The following CFAP69 variants were observed in gnomAD, a reference collection of about 807,000 sequenced individuals.
CFAP69 encodes cilia and flagella associated protein 69.
Under a neutral mutation model 123.0 loss-of-function variants are expected in CFAP69, and 92 were observed. That is an observed-to-expected ratio of 0.75 (90% CI 0.63 to 0.89). The LOEUF is 0.89. Among genes scored for constraint, CFAP69 ranks in the 40% least tolerant of loss-of-function variants. The pLI is 0.00. For synonymous variants in CFAP69, 380 were observed against 364.3 expected, an observed-to-expected ratio of 1.04 and a Z score of -0.49; for missense variants, 1,067 against 1,096.9, an observed-to-expected ratio of 0.97 and a Z score of 0.39.
At chr7:90,250,125 T>C (rs1184562021) in intron 1 of CFAP69, among the ~76,000 whole-genome samples, 1 of 150,098 alleles carries the variant, frequency 6.7e-6, no homozygotes, top group Non-Finnish European at 1.5e-5. Flanking sequence ...GGAGGATCGC[T>C]TGAGCCTAGG....
chr7:90,287,750 G>A (rs1790515397), intron 14 of CFAP69: 2 of 985,804 alleles, frequency 2.0e-6, no homozygotes, highest in Non-Finnish European at 1.2e-6. Flanking sequence ...AATAAGAAAG[G>A]TAATTAGTAA....
chr7:90,251,611 C>T (rs1172984225), intron 1 of CFAP69, among the ~76,000 whole-genome samples: 1 of 152,120 alleles, frequency 6.6e-6, no homozygotes, highest in Non-Finnish European at 1.5e-5. Flanking sequence ...CCATGCCAGA[C>T]CAATAGCTGC....
Position 90,250,187 on chromosome 7 carries a change from GGAGAGAGAGAGAGAGAGA to G in CFAP69, c.120+4674_120+4691del, listed in dbSNP as rs10527106. 1.1e-3 allele frequency among the ~76,000 whole-genome samples: 133 copies of G among 125,762 alleles called. 3 individuals carry two copies. Among genetic ancestry groups the G allele is most frequent in the African/African-American group, 1.8e-3 (60 of 32,816 alleles). The allele number at this position is 125,762 out of a possible 152,430, so 82.5% of individuals were successfully genotyped here. ...GGGAGACCCCCACTCTTTAAAGAGA[GGAGAGAGAGAGAGAGAGA>G]GAGAGAGAGAGAGAGAGAGAGAGAG... On this transcript the variant is annotated intron_variant, in intron 1 of 22. Transcript: ENST00000389297.
chr7:90,323,182 A>T, the CFAP69 span, among the ~76,000 whole-genome samples: 1 of 152,198 alleles, frequency 6.6e-6, no homozygotes, highest in South Asian at 2.1e-4. Flanking sequence ...TCTACCCCCA[A>T]GTCAGTGAGA....
Position 90,288,329 on chromosome 7 carries a change from T to C in CFAP69, c.1752T>C (p.Leu584=), listed in dbSNP as rs202179199. The change falls in exon 15 of 23, where the codon CTT becomes CTC. Residue 584 remains leucine (L), a synonymous_variant. Transcript: ENST00000389297. ...LQSGLGYNVL[L]FSTLDSIWCC... The stretch of plus-strand genomic sequence containing the variant: ...GTGGCTTAGGCTATAATGTACTTCT[T>C]TTTAGTACATTGGACAGCATTTGGT... 28 of 1,610,936 alleles carry C rather than the reference T, an allele frequency of 1.7e-5. No individual in the cohort carries two copies. The highest frequency in any genetic ancestry group is 3.4e-6 in the Non-Finnish European group (4 of 1,177,954).
In CFAP69 at chr7:90,286,212, C is replaced by T. The variant is rs1389571695; in HGVS notation, c.1538-69C>T. The stretch of plus-strand genomic sequence containing the variant: ...AAATAAACTTTTTAGAAGAGATTTC[C>T]AAACAGTAATTGATCAAAATAAAAG... On this transcript the variant is annotated intron_variant, in intron 13 of 22. Coordinates refer to ENST00000389297, the MANE Select transcript of CFAP69 (RefSeq NM_001039706.3). 6.9e-6 allele frequency: 9 copies of T among 1,308,980 alleles called. No individual in the cohort carries two copies. The African/African-American group carries it at 1.1e-4, about 15-fold the overall frequency. The allele number at this position is 1,308,980 out of a possible 1,614,324, so 81.1% of individuals were successfully genotyped here. A position where few individuals can be genotyped will look rare whatever the true frequency, so the allele number is the denominator to read the frequency against.
intron 15 of CFAP69, among the ~76,000 whole-genome samples, chr7:90,293,848 A>G (rs1791552068): frequency 6.6e-6 from 1 of 152,182 alleles, no homozygotes; most frequent in South Asian, 2.1e-4. Context: ...GGCCTTACCT[A>G]GCCATAAAGC....
intron 15 of CFAP69, among the ~76,000 whole-genome samples, chr7:90,288,883 A>AT (rs5885720): frequency 0.28 from 42,253 of 149,528 alleles, 6,881 homozygotes; most frequent in East Asian, 0.68. Context: ...GATTACTGTA[A>AT]TTTTTTTTTT....
intron 4 of CFAP69, among the ~76,000 whole-genome samples, chr7:90,262,702 A>G (rs913782188): frequency 1.1e-4 from 17 of 152,168 alleles, no homozygotes; most frequent in African/African-American, 4.1e-4. Flanking sequence ...GTAGGGAGGA[A>G]TAAACCTTTT....
At chr7:90,316,832 T>C in the CFAP69 span, 1 of 152,198 alleles carries the variant, frequency 6.6e-6, no homozygotes. Flanking sequence ...CTAATTTTAT[T>C]GATTTAAGCT....
rs1232008916 is a variant in CFAP69 at position 90,310,170 on chromosome 7, G to C, written c.2758G>C (p.Gly920Arg). ...DIALKKLPIRGGALQRVKAVK... is the reference protein window; with the variant it reads ...DIALKKLPIRRGALQRVKAVK... ...TGCTCTTAAAAAACTGCCCATTCGAGGAGGAGCCTTGCAGAGGGTGAAAGC... is the reference window on the plus strand; with the variant it reads ...TGCTCTTAAAAAACTGCCCATTCGACGAGGAGCCTTGCAGAGGGTGAAAGC... The change falls in exon 23 of 23, where the codon GGA becomes CGA. Residue 920 changes from glycine to arginine, a missense_variant. Transcript: ENST00000389297. 2.5e-6 allele frequency: 4 copies of C among 1,613,936 alleles called. No individual in the cohort carries two copies. The highest frequency in any genetic ancestry group is 1.3e-5 in the African/African-American group (1 of 75,012).
At chr7:90,315,049 A>G (rs759836625), downstream of CFAP69, among the ~76,000 whole-genome samples, 31 of 151,154 alleles carry the variant, frequency 2.1e-4, no homozygotes, top group Non-Finnish European at 3.2e-4. Context: ...TGAAACCACA[A>G]TGAGATACCA....
intron 6 of CFAP69, among the ~76,000 whole-genome samples, chr7:90,271,203 G>A (rs1419127059): frequency 1.3e-5 from 2 of 151,996 alleles, no homozygotes; most frequent in African/African-American, 4.8e-5. Flanking sequence ...TGGGTCCCAG[G>A]TCAAACTAGG....
downstream of CFAP69, among the ~76,000 whole-genome samples, chr7:90,315,573 C>G (rs1035527432): frequency 6.6e-6 from 1 of 151,902 alleles, no homozygotes; most frequent in Non-Finnish European, 1.5e-5. Flanking sequence ...ACACAAAATG[C>G]GGAACAACAG....
chr7:90,320,506 T>C, the CFAP69 span: 1 of 152,362 alleles, frequency 6.6e-6, no homozygotes, highest in South Asian at 2.1e-4. Context: ...CCTTGCCAAC[T>C]GATTGTTGGG....
the CFAP69 span, chr7:90,320,636 G>C: frequency 1.3e-5 from 2 of 152,198 alleles, no homozygotes; most frequent in African/African-American, 4.8e-5. Context: ...ACAGCCAACG[G>C]GGAGGGATAG....
At chr7:90,274,545 GA>G (rs1361406174) in intron 9 of CFAP69, among the ~76,000 whole-genome samples, 17 of 152,258 alleles carry the variant, frequency 1.1e-4, no homozygotes, top group African/African-American at 4.1e-4. Context: ...ACTCTAGGCT[GA>G]AAAATGTTTT....
downstream of CFAP69, chr7:90,312,757 C>G (rs1395511614): frequency 6.6e-6 from 1 of 152,200 alleles, no homozygotes; most frequent in African/African-American, 2.4e-5. Context: ...CTACCCGATC[C>G]TGCCGGCTGA....
At chr7:90,312,919 C>G (rs1292875748), downstream of CFAP69, 1 of 152,182 alleles carries the variant, frequency 6.6e-6, no homozygotes, top group Non-Finnish European at 1.5e-5. Context: ...CTTCAACAAT[C>G]TCAGTAATGA....
Sources: gnomAD v4.1 joint callset for allele counts (sites outside exome capture counted in the v4.1 genomes callset) on GRCh38, gnomAD v4.1.1 for gene constraint, MANE v1.5 for transcripts, NCBI Gene and HGNC (gene_info 2026-07-23, HGNC 2026-07-21) for gene names.